Variants in NBPF12 observed in about 807,000 individuals in gnomAD.
NBPF12 encodes the protein NBPF family member NBPF12.
NBPF12 carries 115 observed loss-of-function variants against 146.4 expected under a neutral mutation model. The ratio of observed to expected loss-of-function variants is 0.79; its 90% CI spans 0.68 to 0.92. The LOEUF (loss-of-function observed/expected upper bound fraction) is 0.92, where lower values mean the gene tolerates loss of function less well. Among genes scored for constraint, NBPF12 ranks in the 40% least tolerant of loss-of-function variants. The pLI is 0.00. For synonymous variants in NBPF12, 385 were observed against 508.9 expected (o/e 0.76, Z 3.28); for missense variants, 1,205 against 1,326.8 (o/e 0.91, Z 1.43).
Position 146,974,200 on chromosome 1 carries a change from C to T in NBPF12, c.1802-539C>T, listed in dbSNP as rs1319977935. The stretch of plus-strand genomic sequence containing the variant: ...TTGGGCATAGGATTTCCTTCATGGC[C>T]TTATGGTGTTATGTGTCACACTTTA... On this transcript the variant is annotated intron_variant, in intron 14 of 33. Coordinates refer to ENST00000617844, the Ensembl canonical transcript of NBPF12. Among the ~76,000 whole-genome samples, 107 of 147,924 alleles carry T rather than the reference C, an allele frequency of 7.2e-4. 1 individual carries two copies. The highest frequency in any genetic ancestry group is 6.5e-3 in the Admixed American group (97 of 14,836).
chr1:146,978,004 G>A lies in NBPF12; in HGVS notation c.2398+333G>A, dbSNP rs1273624938. Among the ~76,000 whole-genome samples the A allele has an allele frequency of 1.3e-5, 2 of 151,932 alleles. 1 individual carries two copies. The stretch of plus-strand genomic sequence containing the variant: ...CATCTGTCCATGAACAATGTCCATG[G>A]AGTTTCTATGCCTGTTTAAGGAAGC... On this transcript the variant is annotated intron_variant, in intron 18 of 33. Transcript: ENST00000617844.
chr1:146,968,226 C>T (rs1239884753), intron 9 of NBPF12, among the ~76,000 whole-genome samples: 5 of 151,390 alleles, frequency 3.3e-5, no homozygotes, highest in Admixed American at 6.6e-5. Context: ...TGTCAACTTC[C>T]TTGATGTGCC....
intron 14 of NBPF12, among the ~76,000 whole-genome samples, chr1:146,973,304 CTGT>C (rs1490071648): frequency 1.4e-4 from 21 of 151,798 alleles, no homozygotes; most frequent in African/African-American, 5.1e-4. Flanking sequence ...AACATCTAGT[CTGT>C]TGTTCTAAAT....
chr1:146,954,860 CAT>C (rs1252850831), intron 2 of NBPF12, among the ~76,000 whole-genome samples: 1 of 140,400 alleles, frequency 7.1e-6, no homozygotes, highest in Non-Finnish European at 1.5e-5. Context: ...ATTCTTAGGA[CAT>C]ATATATATGT....
In NBPF12 at chr1:146,962,149, T is replaced by G; in HGVS notation, c.176-12T>G. 1.2e-6 allele frequency: 2 copies of G among 1,608,702 alleles called. No individual in the cohort carries two copies. Among genetic ancestry groups the G allele is most frequent in the Non-Finnish European group, 1.7e-6 (2 of 1,177,882 alleles). ...CCTTCCACTGAGGCAGGCGTGTCTGTCTTTTTCTCAGAGTATGAAGAGTGT... is the reference window on the plus strand; with the variant it reads ...CCTTCCACTGAGGCAGGCGTGTCTGGCTTTTTCTCAGAGTATGAAGAGTGT... On this transcript the variant is annotated splice_polypyrimidine_tract_variant and intron_variant, in intron 4 of 33. Transcript: ENST00000617844.
chr1:146,974,708 C>T, intron 14 of NBPF12, 31 bp from the exon 18 acceptor site: 3 of 742,620 alleles, frequency 4.0e-6, no homozygotes, highest in South Asian at 3.2e-5. Flanking sequence ...TCCAGCCTTC[C>T]ACTGATGCAG....
intron 2 of NBPF12, chr1:146,957,057 CA>C (rs1655625588): frequency 8.7e-6 from 1 of 114,920 alleles, no homozygotes; most frequent in African/African-American, 3.1e-5. Flanking sequence ...TCCATCAAAA[CA>C]AAAAAGTTTT....
chr1:146,948,376 A>G (rs1655164598), upstream of NBPF12, among the ~76,000 whole-genome samples: 1 of 151,730 alleles, frequency 6.6e-6, no homozygotes, highest in Non-Finnish European at 1.5e-5. Flanking sequence ...TAGACATAAG[A>G]GACTCCATTT....
At chr1:146,984,675 G>A (rs1346033075) in intron 21 of NBPF12, 138 bp from the exon 25 acceptor site, 3 of 684,126 alleles carry the variant, frequency 4.4e-6, no homozygotes, top group East Asian at 5.6e-5. Flanking sequence ...CAACATAAAG[G>A]CAATAATTTG....
chr1:146,956,422 G>A lies in NBPF12; in HGVS notation c.-183-3437G>A, dbSNP rs1408377775. The stretch of plus-strand genomic sequence containing the variant: ...AATTTCCTCTATCTTGGTTGTGGCA[G>A]TAGTTCCGTTAGTGCATCCATTTGT... On this transcript the variant is annotated intron_variant, in intron 2 of 33. Transcript: ENST00000617844. Among the ~76,000 whole-genome samples, 5 of 151,948 alleles carry A rather than the reference G, an allele frequency of 3.3e-5. No individual in the cohort carries two copies. In the South Asian group the frequency reaches 6.2e-4, roughly 19 times the overall value.
chr1:146,956,631 A>G (rs1490693528), intron 2 of NBPF12, among the ~76,000 whole-genome samples: 1 of 151,950 alleles, frequency 6.6e-6, no homozygotes, highest in African/African-American at 2.4e-5. Flanking sequence ...AACACATGCA[A>G]TGAAGCAGGT....
chr1:146,960,228 G>T (rs1436547406), exon 4 of NBPF12: 1 of 1,232,716 alleles, frequency 8.1e-7, no homozygotes, highest in African/African-American at 1.6e-5. Flanking sequence ...CCCCCAGTTG[G>T]CAGAGAACAA....
chr1:146,964,972 G>A (rs1553885403), exon 8 of NBPF12: 65 of 1,605,854 alleles, frequency 4.0e-5, no homozygotes, highest in East Asian at 2.0e-4. Flanking sequence ...AAATAGCCAC[G>A]GCCCTTGTGA....
chr1:146,954,345 G>A (rs1369674131), intron 2 of NBPF12, among the ~76,000 whole-genome samples: 3 of 105,486 alleles, frequency 2.8e-5, no homozygotes, highest in Non-Finnish European at 5.5e-5. Context: ...AGCCGAGATC[G>A]CATCACTGCA....
intron 25 of NBPF12, among the ~76,000 whole-genome samples, chr1:146,987,712 CGT>C (rs1438940050): frequency 2.8e-5 from 4 of 144,910 alleles, no homozygotes; most frequent in South Asian, 2.1e-4. Context: ...TCAGTGTGTG[CGT>C]GTGTCTTTGT....
At chr1:146,966,324 G>A in intron 8 of NBPF12, 140 bp from the exon 12 acceptor site, 1 of 808,622 alleles carries the variant, frequency 1.2e-6, no homozygotes. Context: ...ATCAAGACTG[G>A]AGATGACAAG....
At chr1:146,962,638 CTCAA>C (rs1182417671) in intron 5 of NBPF12, among the ~76,000 whole-genome samples, 11 of 151,148 alleles carry the variant, frequency 7.3e-5, no homozygotes, top group African/African-American at 2.4e-4. Context: ...CATTCTTTCA[CTCAA>C]TCAATGTTGC....
intron 13 of NBPF12, 123 bp from the exon 17 acceptor site, chr1:146,972,628 A>T: frequency 1.1e-6 from 1 of 918,890 alleles, no homozygotes; most frequent in South Asian, 1.3e-5. Context: ...CAAGGGTGAA[A>T]CCAGGGAAAC....
upstream of NBPF12, among the ~76,000 whole-genome samples, chr1:146,948,451 C>A (rs1655170757): frequency 6.6e-6 from 1 of 151,478 alleles, no homozygotes; most frequent in Non-Finnish European, 1.5e-5. Context: ...TACCCCCAAC[C>A]CTGTGCTCCC....
Sources: allele counts gnomAD v4.1 joint callset (sites outside exome capture counted in the v4.1 genomes callset), GRCh38; gene constraint gnomAD v4.1.1; transcripts MANE v1.5; gene names NCBI Gene and HGNC (gene_info 2026-07-23, HGNC 2026-07-21).